Variants in ASH2L observed in about 807,000 individuals in gnomAD.
ASH2L encodes the protein ASH2 like, histone lysine methyltransferase complex subunit.
In ASH2L, 30 loss-of-function variants were observed where a neutral mutation model predicts 81.1. The observed-to-expected ratio is 0.37, with a 90% CI of 0.28 to 0.50. The LOEUF is 0.50. Among genes scored for constraint, ASH2L ranks in the 20% least tolerant of loss-of-function variants. ASH2L has a pLI of 0.95. For missense variants in ASH2L, 559 were observed against 792.1 expected (o/e 0.71, Z 3.53); for synonymous variants, 273 against 279.9 (o/e 0.98, Z 0.24).
Position 38,127,937 on chromosome 8 carries a change from T to A in ASH2L, c.1166-354T>A, listed in dbSNP as rs563824254. Among the ~76,000 whole-genome samples, 4 of 151,612 alleles carry A rather than the reference T, an allele frequency of 2.6e-5. No homozygotes were observed. In the East Asian group the frequency reaches 7.8e-4, roughly 30 times the overall value. On this transcript the variant is annotated intron_variant, in intron 10 of 15. Transcript: ENST00000343823. ...GGCACGCGCCTGTAATCCCAGCTACTCGGGAGGCTGAGGCAGGAAAATTGC... is the reference window on the plus strand; with the variant it reads ...GGCACGCGCCTGTAATCCCAGCTACACGGGAGGCTGAGGCAGGAAAATTGC...
chr8:38,123,828 T>A (rs1203473143), intron 10 of ASH2L, among the ~76,000 whole-genome samples: 2 of 152,226 alleles, frequency 1.3e-5, no homozygotes, highest in African/African-American at 2.4e-5. Flanking sequence ...TATATTCTTT[T>A]ATCTCCCTTT....
intron 10 of ASH2L, among the ~76,000 whole-genome samples, chr8:38,126,691 GA>G (rs1303047874): frequency 6.6e-6 from 1 of 151,096 alleles, no homozygotes; most frequent in Non-Finnish European, 1.5e-5. Context: ...TGTCTCTACT[GA>G]AAATATAAAA....
rs1465906529 is a variant in ASH2L, at chr8:38,133,680, A to G, written c.1620+134A>G. 4 of 652,210 alleles carry G rather than the reference A, an allele frequency of 6.1e-6. No homozygotes were observed. The East Asian group carries it at 1.1e-4, about 18-fold the overall frequency. The allele number at this position is 652,210 out of a possible 1,614,324, so 40.4% of individuals were successfully genotyped here. On this transcript the variant is annotated intron_variant, in intron 13 of 15. Coordinates refer to ENST00000343823, the MANE Select transcript of ASH2L (RefSeq NM_004674.5). ...TCTGGTAGCCCCACTGGCCAGCGGC[A>G]AGCTCACCCTCTGCTTATTGTGTTT...
intron 3 of ASH2L, among the ~76,000 whole-genome samples, chr8:38,108,517 T>TAG (rs1563249692): frequency 6.9e-6 from 1 of 145,158 alleles, no homozygotes. Context: ...GGTATCAAGT[T>TAG]AAAAAAAAAA....
intron 5 of ASH2L, 149 bp from the exon 6 acceptor site, chr8:38,114,043 A>G (rs1232339054): frequency 3.7e-6 from 2 of 547,318 alleles, no homozygotes; most frequent in African/African-American, 3.9e-5. Context: ...AAAGACAAAC[A>G]TGTAAACCTT....
At chr8:38,133,614 A>G (rs1802146104) in intron 13 of ASH2L, 68 bp downstream of exon 13, 3 of 1,259,268 alleles carry the variant, frequency 2.4e-6, no homozygotes, top group Admixed American at 2.6e-5. Flanking sequence ...CCTTCATTAT[A>G]AAAGTGAGGA....
chr8:38,128,252 A>G (rs1459542426), intron 10 of ASH2L, 39 bp from the exon 11 acceptor site: 8 of 1,610,922 alleles, frequency 5.0e-6, no homozygotes, highest in Middle Eastern at 3.3e-4. Flanking sequence ...AAGAACCTCA[A>G]ATAAGTTGCA....
chr8:38,127,520 G>C (rs1267486004), intron 10 of ASH2L, among the ~76,000 whole-genome samples: 1 of 151,974 alleles, frequency 6.6e-6, no homozygotes. Context: ...GTCAGTGCAG[G>C]TGGATCACCT....
intron 1 of ASH2L, chr8:38,106,109 T>C: frequency 6.6e-7 from 1 of 1,525,916 alleles, no homozygotes; most frequent in Non-Finnish European, 8.8e-7. Flanking sequence ...TGCCTCTCTT[T>C]GAACCTCTCC....
intron 5 of ASH2L, among the ~76,000 whole-genome samples, chr8:38,113,402 C>G (rs1361675153): frequency 6.6e-6 from 1 of 152,158 alleles, no homozygotes; most frequent in Non-Finnish European, 1.5e-5. Context: ...TCTGGAACAA[C>G]AAAATATTCC....
At chr8:38,113,417 T>C (rs1810766084) in intron 5 of ASH2L, among the ~76,000 whole-genome samples, 1 of 152,202 alleles carries the variant, frequency 6.6e-6, no homozygotes, top group South Asian at 2.1e-4. Context: ...TATTCCAGGC[T>C]TTCTTTGTAC....
intron 10 of ASH2L, among the ~76,000 whole-genome samples, chr8:38,127,061 C>T (rs754111645): frequency 2.0e-5 from 3 of 151,074 alleles, no homozygotes; most frequent in Non-Finnish European, 4.4e-5. Context: ...TACTTGGGGG[C>T]TGAGGCAGGA....
chr8:38,114,031 T>C (rs111682700), intron 5 of ASH2L, among the ~76,000 whole-genome samples, 161 bp from the exon 6 acceptor site: 2,350 of 152,296 alleles, frequency 0.015, 57 homozygotes, highest in African/African-American at 0.054. Flanking sequence ...ATTCAGAGAT[T>C]AAAAGACAAA....
rs1466524343 is a variant in ASH2L at position 38,123,642 on chromosome 8, C to T, written c.1165+2493C>T. ...ATGTTTGGAGTGAGGATGTGTGAAA[C>T]ATTACTATGGTTCTGGGAGTCAGAG... On this transcript the variant is annotated intron_variant, in intron 10 of 15. Transcript: ENST00000343823. 2.6e-5 allele frequency among the ~76,000 whole-genome samples: 4 copies of T among 152,196 alleles called. No homozygotes were observed. In the East Asian group the frequency reaches 5.8e-4, roughly 22 times the overall value.
At chr8:38,112,066 G>T (rs1220947372) in intron 5 of ASH2L, among the ~76,000 whole-genome samples, 1 of 152,088 alleles carries the variant, frequency 6.6e-6, no homozygotes, top group Non-Finnish European at 1.5e-5. Context: ...GAGTGCAGTG[G>T]CACAGGCCCG....
intron 10 of ASH2L, chr8:38,124,514 T>A (rs1801752799): frequency 6.6e-6 from 1 of 151,956 alleles, no homozygotes; most frequent in African/African-American, 2.4e-5. Context: ...TCTGGCCTCA[T>A]TGTTTATTTG....
At chr8:38,114,784 C>T (rs1563252321) in intron 6 of ASH2L, 121 bp from the exon 7 acceptor site, 9 of 638,024 alleles carry the variant, frequency 1.4e-5, no homozygotes, top group Admixed American at 3.0e-5. Context: ...GAAGGAAAAA[C>T]GATACTATCT....
intron 10 of ASH2L, among the ~76,000 whole-genome samples, chr8:38,126,176 C>T (rs1801837294): frequency 6.6e-6 from 1 of 151,330 alleles, no homozygotes; most frequent in Non-Finnish European, 1.5e-5. Context: ...ACACTCCAGC[C>T]TGGATGACAG....
chr8:38,118,701 T>C (rs1019782914), intron 8 of ASH2L, among the ~76,000 whole-genome samples: 1 of 152,244 alleles, frequency 6.6e-6, no homozygotes, highest in African/African-American at 2.4e-5. Flanking sequence ...GAAACACCTT[T>C]TTAGTACTTC....
Sources: gnomAD v4.1 joint callset for allele counts (sites outside exome capture counted in the v4.1 genomes callset) on GRCh38, gnomAD v4.1.1 for gene constraint, MANE v1.5 for transcripts, NCBI Gene and HGNC (gene_info 2026-07-23, HGNC 2026-07-21) for gene names.